Variants in DAB1 observed in about 807,000 individuals in gnomAD.
DAB1 encodes the protein DAB adaptor protein 1.
A neutral mutation model predicts 64.6 loss-of-function variants in DAB1; 15 were observed. The observed-to-expected ratio is 0.23, with a 90% CI of 0.16 to 0.36. The LOEUF (loss-of-function observed/expected upper bound fraction) is 0.36. Ranked by LOEUF, DAB1 falls within the 10% of genes least tolerant of loss-of-function variation. The pLI, the probability that DAB1 is intolerant of heterozygous loss-of-function variation, is 1.00. For synonymous variants in DAB1, 235 were observed against 251.9 expected (o/e 0.93, Z 0.64); for missense variants, 596 against 706.7 (o/e 0.84, Z 1.78).
At chr1:57,257,335 T>C (rs1384591862) in intron 2 of DAB1, among the ~76,000 whole-genome samples, 1 of 152,204 alleles carries the variant, frequency 6.6e-6, no homozygotes, top group Admixed American at 6.5e-5. Flanking sequence ...AAAAGTGTGC[T>C]CTGTTAGGAC....
At chr1:57,820,554 A>T (rs552675567) in intron 6 of DAB1, among the ~76,000 whole-genome samples, 1 of 152,316 alleles carries the variant, frequency 6.6e-6, no homozygotes, top group Admixed American at 6.5e-5. Flanking sequence ...CAGCTGGGTT[A>T]TATTTTCACC....
intron 3 of DAB1, among the ~76,000 whole-genome samples, chr1:58,391,731 T>C (rs1457079407): frequency 6.6e-6 from 1 of 152,210 alleles, no homozygotes; most frequent in Non-Finnish European, 1.5e-5. Flanking sequence ...CAAATTCCCT[T>C]GACATCCACC....
At chr1:58,140,483 T>C (rs1022483812) in intron 5 of DAB1, among the ~76,000 whole-genome samples, 1 of 152,126 alleles carries the variant, frequency 6.6e-6, no homozygotes, top group Non-Finnish European at 1.5e-5. Context: ...ATAGACCAAG[T>C]GAAATTGCTT....
At chr1:58,164,577 A>T (rs1438659941) in intron 4 of DAB1, among the ~76,000 whole-genome samples, 16 of 152,208 alleles carry the variant, frequency 1.1e-4, no homozygotes, top group Non-Finnish European at 2.4e-4. Flanking sequence ...ATGAAATCTG[A>T]ACAATTATTA....
intron 1 of DAB1, among the ~76,000 whole-genome samples, chr1:57,364,711 A>G (rs547950984): frequency 3.3e-5 from 5 of 152,146 alleles, no homozygotes; most frequent in South Asian, 2.1e-4. Context: ...TACTACTAAT[A>G]AACTGTATCG....
chr1:57,814,711 T>C (rs1020476367), intron 6 of DAB1, among the ~76,000 whole-genome samples: 4 of 152,170 alleles, frequency 2.6e-5, no homozygotes, highest in African/African-American at 7.2e-5. Context: ...AAATCAAGAT[T>C]TGAATCTGAG....
chr1:57,604,497 G>GT (rs1645612929), intron 7 of DAB1, among the ~76,000 whole-genome samples: 1 of 152,086 alleles, frequency 6.6e-6, no homozygotes, highest in South Asian at 2.1e-4. Context: ...GTTCCCAGCT[G>GT]TTTAAGTTAT....
intron 7 of DAB1, among the ~76,000 whole-genome samples, chr1:57,441,527 G>A (rs1685960840): frequency 6.6e-6 from 1 of 151,680 alleles, no homozygotes; most frequent in Non-Finnish European, 1.5e-5. Flanking sequence ...CCTAATTTTT[G>A]TATTTTTGTA....
At chr1:58,324,026 T>G (rs1375034729) in intron 4 of DAB1, among the ~76,000 whole-genome samples, 1 of 152,170 alleles carries the variant, frequency 6.6e-6, no homozygotes, top group Non-Finnish European at 1.5e-5. Context: ...CAAAATTTTC[T>G]TATGTCTCAC....
intron 1 of DAB1, among the ~76,000 whole-genome samples, chr1:58,539,581 T>C (rs1646572167): frequency 6.6e-6 from 1 of 152,252 alleles, no homozygotes. Flanking sequence ...GAGCCATTTG[T>C]ATTTTAATGG....
intron 6 of DAB1, among the ~76,000 whole-genome samples, chr1:57,685,493 T>G (rs866826841): frequency 6.6e-6 from 1 of 152,134 alleles, no homozygotes; most frequent in African/African-American, 2.4e-5. Context: ...TTGACAGTGT[T>G]AGATCAACAA....
At chr1:57,989,301 C>T (rs1646293042) in intron 5 of DAB1, among the ~76,000 whole-genome samples, 1 of 152,170 alleles carries the variant, frequency 6.6e-6, no homozygotes, top group South Asian at 2.1e-4. Flanking sequence ...TATGCCTTCA[C>T]TTTATAATCA....
chr1:58,120,667 C>A (rs1398743097), intron 5 of DAB1, among the ~76,000 whole-genome samples: 1 of 152,142 alleles, frequency 6.6e-6, no homozygotes, highest in Non-Finnish European at 1.5e-5. Context: ...TTCCTTCCAA[C>A]TTTAGCTGCC....
At position 57,695,373 on chromosome 1, in the gene DAB1, A is replaced by AAGGAAAG. The variant is rs1646823646; in HGVS notation, n.552-45709_552-45708insCTTTCCT. Among the ~76,000 whole-genome samples the AAGGAAAG allele has an allele frequency of 3.7e-5, 2 of 53,824 alleles. 1 individual carries two copies. The highest frequency in any genetic ancestry group is 1.8e-4 in the African/African-American group (2 of 11,338). 35.3% of individuals were successfully genotyped at this position (53,824 alleles called of 152,430 possible). ...GAAAGAAAAGAAAGAAGAAAGAAAG[A>AAGGAAAG]AAGAAAGAAAGAAAGAAAGAAAGAA... is the stretch of plus-strand genomic sequence containing the variant. On this transcript the variant is annotated intron_variant and non_coding_transcript_variant, in intron 6 of 20. Coordinates refer to the DAB1 transcript ENST00000485760.
rs372446616 is a variant in DAB1 at position 58,435,572 on chromosome 1, T to C, written n.257+70488A>G. Among the ~76,000 whole-genome samples, 34 of 152,174 alleles carry C rather than the reference T, an allele frequency of 2.2e-4. 1 individual carries two copies. The highest frequency in any genetic ancestry group is 8.2e-4 in the African/African-American group (34 of 41,514). On this transcript the variant is annotated intron_variant and non_coding_transcript_variant, in intron 3 of 20. Transcript: ENST00000485760. ...AACTGAGCTTCTGCCTCCACAAAGCTCCTCCTCTTCCCCAGGGCCTGTTTC... is the reference window on the plus strand; with the variant it reads ...AACTGAGCTTCTGCCTCCACAAAGCCCCTCCTCTTCCCCAGGGCCTGTTTC...
intron 7 of DAB1, among the ~76,000 whole-genome samples, chr1:57,610,780 C>A (rs1186191572): frequency 6.6e-6 from 1 of 152,162 alleles, no homozygotes; most frequent in African/African-American, 2.4e-5. Context: ...TGAGGGAAAC[C>A]ACCCCCATGA....
chr1:57,145,949 A>G (rs1659083314), intron 2 of DAB1, among the ~76,000 whole-genome samples: 1 of 152,222 alleles, frequency 6.6e-6, no homozygotes, highest in South Asian at 2.1e-4. Flanking sequence ...GAGGACAGTT[A>G]TCAAAAAATG....
chr1:57,441,070 CA>C (rs936716690), intron 7 of DAB1, among the ~76,000 whole-genome samples: 48 of 148,578 alleles, frequency 3.2e-4, no homozygotes, highest in African/African-American at 8.4e-4. Flanking sequence ...CCCATAAAGA[CA>C]AAAAAAAATA....
intron 3 of DAB1, among the ~76,000 whole-genome samples, chr1:58,436,099 C>G (rs1644941581): frequency 6.6e-6 from 1 of 152,194 alleles, no homozygotes; most frequent in Non-Finnish European, 1.5e-5. Context: ...TAAAATACAA[C>G]TGGCCAAGAT....
Sources: gnomAD v4.1 joint callset for allele counts (sites outside exome capture counted in the v4.1 genomes callset) on GRCh38, gnomAD v4.1.1 for gene constraint, MANE v1.5 for transcripts, NCBI Gene and HGNC (gene_info 2026-07-23, HGNC 2026-07-21) for gene names.